MME: variants seen among roughly 807,000 people sequenced by gnomAD.
The protein encoded by MME is neprilysin.
In MME, 98 loss-of-function variants were observed where a neutral mutation model predicts 113.2. The ratio of observed to expected loss-of-function variants is 0.87; its 90% CI spans 0.74 to 1.02. MME has a LOEUF of 1.02. MME is among the 50% of genes least tolerant of loss of function. The pLI is 0.00. For missense variants in MME, 836 were observed against 896.0 expected (o/e 0.93, Z 0.86); for synonymous variants, 292 against 300.6 (o/e 0.97, Z 0.30).
At position 155,143,443 on chromosome 3, in the gene MME, G is replaced by A; in HGVS notation, c.1189G>A (p.Ala397Thr). 6.2e-7 allele frequency: 1 copy of A among 1,611,568 alleles called. No individual in the cohort carries two copies. Among genetic ancestry groups the A allele is most frequent in the Non-Finnish European group, 8.5e-7 (1 of 1,178,266 alleles). The change falls in exon 13 of 23, where the codon GCC (alanine) becomes ACC (threonine). Residue 397 changes from alanine to threonine, a missense_variant and splice_region_variant. Coordinates refer to ENST00000360490, the MANE Select transcript of MME (RefSeq NM_007289.4). ...GCCATTTCCTTTTTCTTTTCCGTAGGCCCTTTATGGTACAACCTCAGAAAC... is the reference window on the plus strand; with the variant it reads ...GCCATTTCCTTTTTCTTTTCCGTAGACCCTTTATGGTACAACCTCAGAAAC... The part of the protein sequence containing the change: ...YKESRNAFRK[A>T]LYGTTSETAT...
At chr3:155,135,843 T>G (rs1576629329) in intron 8 of MME, among the ~76,000 whole-genome samples, 1 of 152,186 alleles carries the variant, frequency 6.6e-6, no homozygotes, top group East Asian at 1.9e-4. Context: ...GTAGAAATAT[T>G]TCATCTCCTT....
At chr3:155,096,499 CTG>C (rs1040982762) in intron 3 of MME, among the ~76,000 whole-genome samples, 9 of 152,134 alleles carry the variant, frequency 5.9e-5, no homozygotes, top group Non-Finnish European at 1.3e-4. Flanking sequence ...ATTTTGTAGT[CTG>C]TGTTAAAGTG....
At chr3:155,047,778 A>G (rs1713610631) in intron 1 of MME, among the ~76,000 whole-genome samples, 1 of 152,034 alleles carries the variant, frequency 6.6e-6, no homozygotes, top group Admixed American at 6.6e-5. Flanking sequence ...ATTGTAAAAG[A>G]TGGATTGGGT....
chr3:155,043,294 A>G (rs1414772755), intron 1 of MME, among the ~76,000 whole-genome samples: 2 of 151,506 alleles, frequency 1.3e-5, no homozygotes, highest in African/African-American at 4.8e-5. Flanking sequence ...AACTTCTAGC[A>G]AATTTTTGCA....
Position 155,084,311 on chromosome 3 carries a change from C to G in MME, c.144C>G (p.Leu48=), listed in dbSNP as rs879138831. The G allele has an allele frequency of 2.5e-6, 4 of 1,614,158 alleles. No homozygotes were observed. The highest frequency in any genetic ancestry group is 3.4e-6 in the Non-Finnish European group (4 of 1,180,024). The change falls in exon 2 of 23, where the codon CTC becomes CTG. Residue 48 remains leucine (L), a synonymous_variant. Coordinates refer to ENST00000360490, the MANE Select transcript of MME (RefSeq NM_007289.4). ...LTIIAVTMIA[L]YATYDDGICK... Reference sequence around the variant, plus strand: ...TCATAGCTGTGACAATGATCGCACTCTATGCAACCTACGATGGTGAGTTAC... The same window carrying G: ...TCATAGCTGTGACAATGATCGCACTGTATGCAACCTACGATGGTGAGTTAC...
chr3:155,061,025 G>A (rs1161809627), intron 1 of MME, among the ~76,000 whole-genome samples: 2 of 152,120 alleles, frequency 1.3e-5, no homozygotes, highest in Non-Finnish European at 2.9e-5. Context: ...ATTTTGGGTG[G>A]ATGCAAACAT....
chr3:155,155,278 T>C (rs1722234251), intron 16 of MME, among the ~76,000 whole-genome samples: 1 of 152,194 alleles, frequency 6.6e-6, no homozygotes, highest in African/African-American at 2.4e-5. Context: ...AAAAATATCA[T>C]CTTCAAACAA....
intron 8 of MME, among the ~76,000 whole-genome samples, chr3:155,129,470 A>G (rs1191355270): frequency 1.3e-5 from 2 of 152,120 alleles, no homozygotes; most frequent in Non-Finnish European, 2.9e-5. Flanking sequence ...ACTTTATAGA[A>G]GTCATTTTTT....
At position 155,140,187 on chromosome 3, in the gene MME, A is replaced by G. The variant is rs748841411; in HGVS notation, c.856-4A>G. The G allele has an allele frequency of 2.5e-6, 4 of 1,600,320 alleles. No individual in the cohort carries two copies. Among genetic ancestry groups the G allele is most frequent in the East Asian group, 2.2e-5 (1 of 44,622 alleles). On this transcript the variant is annotated splice_region_variant and splice_polypyrimidine_tract_variant and intron_variant, in intron 9 of 22. Coordinates refer to ENST00000360490, the MANE Select transcript of MME (RefSeq NM_007289.4). ...AAAATAATGATTAAAAATTAAATCC[A>G]TAGGCTACGGCTAAACCTGAAGATC...
rs527248638 is a variant in MME at position 155,086,039 on chromosome 3, G to C, written c.196+945G>C. Among the ~76,000 whole-genome samples, 24 of 152,310 alleles carry C rather than the reference G, an allele frequency of 1.6e-4. No individual in the cohort carries two copies. In the East Asian group the frequency reaches 3.9e-3, roughly 24 times the overall value. ...GAAACAGATATTTTTGAACAGAGGA[G>C]TGATCAGGCCAAAGGTGAAAGATGA... On this transcript the variant is annotated intron_variant, in intron 3 of 22. Coordinates refer to ENST00000360490, the MANE Select transcript of MME (RefSeq NM_007289.4).
At chr3:155,154,471 C>T (rs1722172043) in intron 16 of MME, among the ~76,000 whole-genome samples, 1 of 152,136 alleles carries the variant, frequency 6.6e-6, no homozygotes, top group Non-Finnish European at 1.5e-5. Flanking sequence ...AATGAGTAGG[C>T]TGTGCTAGAC....
In MME at chr3:155,172,417, G is replaced by A. The variant is rs3816803; in HGVS notation, c.2077-119G>A. ...TTTCATTGAACATTATTTGAAGAGC[G>A]AATGGTTGAGGAATGCAGAATTCCA... On this transcript the variant is annotated intron_variant, in intron 21 of 22. Coordinates refer to ENST00000360490, the MANE Select transcript of MME (RefSeq NM_007289.4). The A allele has an allele frequency of 0.26, 229,251 of 879,894 alleles. 32,048 individuals are homozygous for A. The highest frequency in any genetic ancestry group is 0.36 in the African/African-American group (21,559 of 60,562). 54.5% of individuals were successfully genotyped at this position (879,894 alleles called of 1,614,324 possible). A position where few individuals can be genotyped will look rare whatever the true frequency, so the allele number is the denominator to read the frequency against.
upstream of MME, among the ~76,000 whole-genome samples, chr3:155,079,023 C>T (rs1484959524): frequency 6.6e-6 from 1 of 152,094 alleles, no homozygotes; most frequent in Non-Finnish European, 1.5e-5. Flanking sequence ...CCACCCTCAA[C>T]CTCCGATGTA....
At chr3:155,127,458 A>T (rs1261860871) in intron 8 of MME, among the ~76,000 whole-genome samples, 1 of 152,256 alleles carries the variant, frequency 6.6e-6, no homozygotes, top group Non-Finnish European at 1.5e-5. Flanking sequence ...CAGAACTTGC[A>T]TACATTCCGT....
At chr3:155,028,599 G>A (rs1712863162) in intron 1 of MME, among the ~76,000 whole-genome samples, 1 of 152,154 alleles carries the variant, frequency 6.6e-6, no homozygotes, top group Non-Finnish European at 1.5e-5. Context: ...GAGCAAGATA[G>A]CAGACTTTTC....
intron 3 of MME, among the ~76,000 whole-genome samples, chr3:155,094,247 T>G (rs1373681866): frequency 1.3e-5 from 2 of 152,238 alleles, no homozygotes; most frequent in African/African-American, 4.8e-5. Context: ...GATGTAAGTT[T>G]TGGCCACATC....
intron 3 of MME, among the ~76,000 whole-genome samples, chr3:155,100,026 G>A (rs531724164): frequency 1.3e-5 from 2 of 152,278 alleles, no homozygotes; most frequent in East Asian, 3.9e-4. Flanking sequence ...AAAAGCAATG[G>A]CCACAAAAGC....
rs867016312 is a variant in MME at position 155,144,414 on chromosome 3, T to C, written c.1373T>C (p.Leu458Pro). 6.2e-7 allele frequency: 1 copy of C among 1,613,090 alleles called. No homozygotes were observed. Among genetic ancestry groups the C allele is most frequent in the South Asian group, 1.1e-5 (1 of 91,062 alleles). ...REVFIQTLDD[L>P]TWMDAETKKR... ...GTTTTTATTCAGACTTTAGATGACC[T>C]CACTTGGATGGATGCCGAGACAAAA... The change falls in exon 14 of 23, where the codon CTC becomes CCC. Residue 458 changes from leucine to proline, a missense_variant. Transcript: ENST00000360490.
chr3:155,044,225 C>T (rs1443697648), intron 1 of MME, among the ~76,000 whole-genome samples: 3 of 149,334 alleles, frequency 2.0e-5, no homozygotes, highest in Non-Finnish European at 3.0e-5. Flanking sequence ...CTCTGCCTGC[C>T]GGGTTCAAGC....
Sources: allele counts gnomAD v4.1 joint callset (sites outside exome capture counted in the v4.1 genomes callset), GRCh38; gene constraint gnomAD v4.1.1; transcripts MANE v1.5; gene names NCBI Gene and HGNC (gene_info 2026-07-23, HGNC 2026-07-21).